PIAS2: variants seen among roughly 807,000 people sequenced by gnomAD.
PIAS2 encodes protein inhibitor of activated STAT 2.
Under a neutral mutation model 69.7 loss-of-function variants are expected in PIAS2, and 19 were observed. The ratio of observed to expected loss-of-function variants is 0.27; its 90% CI spans 0.19 to 0.40. The LOEUF (loss-of-function observed/expected upper bound fraction) is 0.40, where lower values mean the gene tolerates loss of function less well. Ranked by LOEUF, PIAS2 falls within the 10% of genes least tolerant of loss-of-function variation. PIAS2 has a pLI of 1.00. For synonymous variants in PIAS2, 261 were observed against 263.2 expected (o/e 0.99, Z 0.08); for missense variants, 624 against 757.0 (o/e 0.82, Z 2.06).
At chr18:46,879,410 G>C (rs1435210492) in intron 2 of PIAS2, among the ~76,000 whole-genome samples, 1 of 151,962 alleles carries the variant, frequency 6.6e-6, no homozygotes, top group Admixed American at 6.6e-5. Flanking sequence ...ATAATAGTAA[G>C]TGCAGATGAG....
intron 2 of PIAS2, among the ~76,000 whole-genome samples, chr18:46,884,796 A>C (rs1011735964): frequency 3.3e-5 from 5 of 152,096 alleles, no homozygotes; most frequent in African/African-American, 1.2e-4. Context: ...ACATGCCTGT[A>C]ATCCCAGCTA....
At chr18:46,825,168 T>TA (rs1160035752) in intron 11 of PIAS2, among the ~76,000 whole-genome samples, 2 of 152,010 alleles carry the variant, frequency 1.3e-5, no homozygotes, top group Non-Finnish European at 2.9e-5. Context: ...ATAAAAACTC[T>TA]AGATGCTGAA....
intron 10 of PIAS2, among the ~76,000 whole-genome samples, chr18:46,828,370 C>G (rs1440920439): frequency 6.6e-6 from 1 of 152,172 alleles, no homozygotes; most frequent in Admixed American, 6.5e-5. Context: ...AAGTCTCATT[C>G]AGACAGAATG....
intron 1 of PIAS2, among the ~76,000 whole-genome samples, chr18:46,909,557 T>C (rs2057021497): frequency 6.6e-6 from 1 of 152,082 alleles, no homozygotes; most frequent in Non-Finnish European, 1.5e-5. Context: ...CGATAAAACC[T>C]TTTGAAGTGT....
At chr18:46,848,847 A>AG (rs2046548387) in intron 5 of PIAS2, among the ~76,000 whole-genome samples, 1 of 151,600 alleles carries the variant, frequency 6.6e-6, no homozygotes, top group Admixed American at 6.6e-5. Flanking sequence ...AAAAAAAAAA[A>AG]AAGTTGCTCA....
intron 3 of PIAS2, among the ~76,000 whole-genome samples, chr18:46,856,003 T>TG (rs1368594885): frequency 3.5e-5 from 4 of 115,818 alleles, no homozygotes; most frequent in Non-Finnish European, 5.7e-5. Context: ...TTTTGTTTTT[T>TG]TTTTTTTTTT....
chr18:46,813,056 T>C (rs951067672), intron 13 of PIAS2, among the ~76,000 whole-genome samples: 2 of 152,178 alleles, frequency 1.3e-5, no homozygotes, highest in African/African-American at 4.8e-5. Flanking sequence ...ATGGATTGAG[T>C]ATCAAACAGA....
chr18:46,899,127 T>C (rs2055378656), intron 1 of PIAS2, among the ~76,000 whole-genome samples: 1 of 152,054 alleles, frequency 6.6e-6, no homozygotes, highest in South Asian at 2.1e-4. Flanking sequence ...GACTGGTTAA[T>C]GAGTTGGAGA....
chr18:46,917,033 C>A (rs2058027246), intron 1 of PIAS2: 1 of 987,618 alleles, frequency 1.0e-6, no homozygotes, highest in African/African-American at 1.7e-5. Flanking sequence ...CCCCATGTGC[C>A]CCTCCTGGAG....
At chr18:46,888,514 C>A (rs1318718817) in intron 2 of PIAS2, among the ~76,000 whole-genome samples, 1 of 152,122 alleles carries the variant, frequency 6.6e-6, no homozygotes, top group Non-Finnish European at 1.5e-5. Context: ...CTACGGTAAT[C>A]AAAACTGTGA....
chr18:46,818,002 C>T (rs72907112), intron 12 of PIAS2: 75,994 of 985,966 alleles, frequency 0.077, 3,119 homozygotes, highest in Non-Finnish European at 0.084. Context: ...ATTTTTATGC[C>T]CTCCGAAGTA....
At chr18:46,897,112 T>A (rs1023288786) in intron 1 of PIAS2, among the ~76,000 whole-genome samples, 1 of 152,172 alleles carries the variant, frequency 6.6e-6, no homozygotes, top group African/African-American at 2.4e-5. Context: ...GGAAACTGGG[T>A]GTGGGCATGT....
At chr18:46,816,382 C>T in intron 12 of PIAS2, 1 of 982,552 alleles carries the variant, frequency 1.0e-6, no homozygotes, top group African/African-American at 1.7e-5. Context: ...TACAAAAATG[C>T]TTATCAAGTG....
intron 13 of PIAS2, among the ~76,000 whole-genome samples, chr18:46,814,865 C>A (rs748893326): frequency 6.6e-6 from 1 of 152,104 alleles, no homozygotes; most frequent in Non-Finnish European, 1.5e-5. Flanking sequence ...TAAACTGGGG[C>A]CTCCCCAAAG....
intron 11 of PIAS2, among the ~76,000 whole-genome samples, chr18:46,821,696 G>A (rs1261501658): frequency 6.6e-6 from 1 of 152,264 alleles, no homozygotes; most frequent in East Asian, 1.9e-4. Flanking sequence ...TGGCTACCAT[G>A]ATAGCACCTA....
intron 1 of PIAS2, among the ~76,000 whole-genome samples, chr18:46,895,917 T>C (rs961717806): frequency 2.6e-5 from 4 of 152,090 alleles, no homozygotes; most frequent in Admixed American, 6.6e-5. Flanking sequence ...GAGAGACTAA[T>C]GGGTTTCTCC....
intron 12 of PIAS2, chr18:46,817,251 T>A (rs1169452766): frequency 5.1e-6 from 5 of 983,726 alleles, no homozygotes; most frequent in Non-Finnish European, 4.8e-6. Context: ...TAACGCTAAG[T>A]ATTGACAATG....
intron 9 of PIAS2, among the ~76,000 whole-genome samples, chr18:46,834,605 G>A (rs2044162601): frequency 6.6e-6 from 1 of 152,078 alleles, no homozygotes; most frequent in African/African-American, 2.4e-5. Context: ...ATTTTTATTT[G>A]TTGTTCCATT....
chr18:46,840,192 A>C (rs1389361564), intron 8 of PIAS2, among the ~76,000 whole-genome samples: 1 of 151,914 alleles, frequency 6.6e-6, no homozygotes, highest in Non-Finnish European at 1.5e-5. Context: ...AAAAATTAAG[A>C]CCTCAAAGAC....
Sources: gnomAD v4.1 joint callset for allele counts (sites outside exome capture counted in the v4.1 genomes callset) on GRCh38, gnomAD v4.1.1 for gene constraint, MANE v1.5 for transcripts, NCBI Gene and HGNC (gene_info 2026-07-23, HGNC 2026-07-21) for gene names.